The following CDK5RAP1 variants were observed in gnomAD, a reference collection of about 807,000 sequenced individuals.
CDK5RAP1 encodes CDK5RAP1 mitochondrial tRNA methylthiotransferase, also known as mitochondrial tRNA methylthiotransferase CDK5RAP1.
CDK5RAP1 carries 62 observed loss-of-function variants against 64.5 expected under a neutral mutation model. That is an observed-to-expected ratio of 0.96 (90% confidence interval 0.78 to 1.19). The LOEUF (loss-of-function observed/expected upper bound fraction) is 1.19, where lower values mean the gene tolerates loss of function less well. CDK5RAP1 is among the 50% of genes most tolerant of loss of function. The pLI is 0.00. For synonymous variants in CDK5RAP1, 250 were observed against 261.9 expected (o/e 0.95, Z 0.44); for missense variants, 657 against 735.0 (o/e 0.89, Z 1.23).
rs142084089 is a variant in CDK5RAP1, at chr20:33,360,380, C to A, written c.1654G>T (p.Ala552Ser). Residue 552 changes from alanine to serine, a missense_variant, in exon 13 of 14, where the codon GCC (alanine) becomes TCC (serine). Coordinates refer to ENST00000346416, the MANE Select transcript of CDK5RAP1 (RefSeq NM_016408.4). ...ACCAGCACATAGTCCCCAGGCTGGG[C>A]TCTGACCCTGAGCCCAGGGTTATTG... Reference protein sequence around the residue: ...DVNNPGLRVRAQPGDYVLVKI... With the variant: ...DVNNPGLRVRSQPGDYVLVKI... The A allele has an allele frequency of 6.2e-7, 1 of 1,614,050 alleles. No homozygotes were observed. Among genetic ancestry groups the A allele is most frequent in the African/African-American group, 1.3e-5 (1 of 74,918 alleles).
At chr20:33,364,606 C>T (rs1018255532) in intron 12 of CDK5RAP1, among the ~76,000 whole-genome samples, 1 of 151,568 alleles carries the variant, frequency 6.6e-6, no homozygotes, top group East Asian at 1.9e-4. Context: ...CGGAGTTTCA[C>T]TTTTGTTGCC....
intron 8 of CDK5RAP1, among the ~76,000 whole-genome samples, chr20:33,375,164 G>T (rs1469689331): frequency 6.6e-6 from 1 of 151,994 alleles, no homozygotes; most frequent in African/African-American, 2.4e-5. Context: ...CACTTTGGGA[G>T]GCTGAGGTGG....
At chr20:33,389,576 G>A (rs918116293) in intron 5 of CDK5RAP1, among the ~76,000 whole-genome samples, 23 of 147,126 alleles carry the variant, frequency 1.6e-4, no homozygotes, top group African/African-American at 4.8e-4. Flanking sequence ...CGCCCCGTCC[G>A]GGAGGGAGTA....
At chr20:33,384,069 C>T (rs904278117) in intron 7 of CDK5RAP1, among the ~76,000 whole-genome samples, 1 of 151,986 alleles carries the variant, frequency 6.6e-6, no homozygotes, top group South Asian at 2.1e-4. Flanking sequence ...ATTTAGAAGA[C>T]TTCCAATAGA....
chr20:33,360,156 A>G, intron 13 of CDK5RAP1, 195 bp downstream of exon 13: 1 of 581,154 alleles, frequency 1.7e-6, no homozygotes, highest in Non-Finnish European at 3.0e-6. Context: ...AGGGCAGGAG[A>G]ATAGGTAAGA....
At chr20:33,361,030 A>C (rs1235306163) in intron 12 of CDK5RAP1, among the ~76,000 whole-genome samples, 1 of 152,250 alleles carries the variant, frequency 6.6e-6, no homozygotes, top group Non-Finnish European at 1.5e-5. Context: ...CATGGTAAAG[A>C]GACAGAAACA....
chr20:33,360,362 C>T lies in CDK5RAP1; in HGVS notation c.1672G>A (p.Val558Met), dbSNP rs2146568147. ...AAAGGACTCCTCACCTTCACCAGCA[C>T]ATAGTCCCCAGGCTGGGCTCTGACC... ...LRVRAQPGDY[V>M]LVKITSASSQ... The change falls in exon 13 of 14, where the codon GTG becomes ATG. Residue 558 changes from valine (V) to methionine (M), a missense_variant. Coordinates refer to ENST00000346416, the MANE Select transcript of CDK5RAP1 (RefSeq NM_016408.4). 6.2e-7 allele frequency: 1 copy of T among 1,614,092 alleles called. No homozygotes were observed. The highest frequency in any genetic ancestry group is 2.2e-5 in the East Asian group (1 of 44,890).
intron 8 of CDK5RAP1, 103 bp downstream of exon 8, chr20:33,379,358 C>T (rs904089762): frequency 2.7e-6 from 2 of 752,100 alleles, no homozygotes; most frequent in Admixed American, 2.3e-5. Flanking sequence ...CCCACAGGAT[C>T]CCTAAGCAGG....
chr20:33,388,800 T>TG (rs1987849606), intron 5 of CDK5RAP1, among the ~76,000 whole-genome samples: 1 of 152,042 alleles, frequency 6.6e-6, no homozygotes, highest in South Asian at 2.1e-4. Context: ...GGTTTTCGTA[T>TG]TTTTTTGGTG....
At position 33,396,809 on chromosome 20, in the gene CDK5RAP1, G is replaced by T. The variant is rs1178738587; in HGVS notation, c.256C>A (p.Pro86Thr). Residue 86 changes from proline to threonine, a missense_variant, in exon 2 of 14, where the codon CCA becomes ACA. Physicochemically the swap from Pro to Thr is conservative, Grantham distance 38. Coordinates refer to ENST00000346416, the MANE Select transcript of CDK5RAP1 (RefSeq NM_016408.4). ...QEKLSSEVED[P>T]PPYLMMDELL... ...TCATCCATCATGAGATAGGGAGGTG[G>T]GTCTTCCACTTCTGAAGACAGCTTC... 1 of 1,614,018 alleles carries T rather than the reference G, an allele frequency of 6.2e-7. No individual in the cohort carries two copies. The highest frequency in any genetic ancestry group is 1.1e-5 in the South Asian group (1 of 91,080).
intron 10 of CDK5RAP1, among the ~76,000 whole-genome samples, chr20:33,372,117 A>G (rs1334170426): frequency 6.6e-6 from 1 of 152,190 alleles, no homozygotes; most frequent in East Asian, 1.9e-4. Context: ...CCCCAAAGGC[A>G]TAATCTAAGT....
intron 12 of CDK5RAP1, among the ~76,000 whole-genome samples, chr20:33,363,140 C>T (rs1243699684): frequency 6.6e-6 from 1 of 152,120 alleles, no homozygotes; most frequent in African/African-American, 2.4e-5. Flanking sequence ...GAATGCATAA[C>T]CTGAATCTTA....
At chr20:33,382,432 G>A (rs1216819810) in intron 7 of CDK5RAP1, among the ~76,000 whole-genome samples, 2 of 152,198 alleles carry the variant, frequency 1.3e-5, no homozygotes, top group African/African-American at 2.4e-5. Flanking sequence ...TGTAATCCTA[G>A]CACTTTAGGA....
chr20:33,392,404 G>A (rs891685125), intron 4 of CDK5RAP1, among the ~76,000 whole-genome samples, 162 bp from the exon 5 acceptor site: 1 of 151,592 alleles, frequency 6.6e-6, no homozygotes, highest in Non-Finnish European at 1.5e-5. Flanking sequence ...GGCTTTGAAT[G>A]CAGCCCAACA....
intron 12 of CDK5RAP1, among the ~76,000 whole-genome samples, chr20:33,364,224 T>C (rs1047411881): frequency 6.7e-6 from 1 of 149,928 alleles, no homozygotes; most frequent in Non-Finnish European, 1.5e-5. Flanking sequence ...AGTCTCGCTG[T>C]GTGACCCAGG....
At chr20:33,389,308 C>G (rs1044110306) in intron 5 of CDK5RAP1, among the ~76,000 whole-genome samples, 5 of 151,284 alleles carry the variant, frequency 3.3e-5, no homozygotes, top group Admixed American at 1.3e-4. Context: ...CGTCTCTGCC[C>G]GGCCGCCCCG....
intron 8 of CDK5RAP1, among the ~76,000 whole-genome samples, chr20:33,375,655 G>A (rs1249852491): frequency 1.3e-5 from 2 of 152,084 alleles, no homozygotes; most frequent in African/African-American, 4.8e-5. Context: ...CTCCATGCCA[G>A]GCACTGTGCT....
chr20:33,400,369 T>C (rs1383057256), intron 1 of CDK5RAP1, among the ~76,000 whole-genome samples: 1 of 152,044 alleles, frequency 6.6e-6, no homozygotes, highest in East Asian at 1.9e-4. Context: ...GTTTCAAGAG[T>C]CAGAGAAGAA....
intron 8 of CDK5RAP1, among the ~76,000 whole-genome samples, chr20:33,377,208 G>A (rs973641442): frequency 6.6e-6 from 1 of 152,204 alleles, no homozygotes; most frequent in South Asian, 2.1e-4. Flanking sequence ...GAGTCAGCCT[G>A]TCCTTTGAAG....
Sources: gnomAD v4.1 joint callset for allele counts (sites outside exome capture counted in the v4.1 genomes callset) on GRCh38, gnomAD v4.1.1 for gene constraint, MANE v1.5 for transcripts, NCBI Gene and HGNC (gene_info 2026-07-23, HGNC 2026-07-21) for gene names.